The following FGF2 variants were observed in gnomAD, a reference collection of about 807,000 sequenced individuals.
FGF2 encodes the protein fibroblast growth factor 2.
FGF2 carries 13 observed loss-of-function variants against 15.9 expected under a neutral mutation model. The ratio of observed to expected loss-of-function variants is 0.82; its 90% CI spans 0.53 to 1.30. The LOEUF is 1.30. Ranked by LOEUF, FGF2 falls within the 50% of genes most tolerant of loss-of-function variation. The pLI, the probability that FGF2 is intolerant of heterozygous loss-of-function variation, is 0.00. For synonymous variants in FGF2, 90 were observed against 78.4 expected (o/e 1.15, Z -0.78); for missense variants, 163 against 196.9 (o/e 0.83, Z 1.03).
At chr4:122,873,636 A>G (rs1164778727) in intron 1 of FGF2, among the ~76,000 whole-genome samples, 1 of 152,166 alleles carries the variant, frequency 6.6e-6, no homozygotes, top group African/African-American at 2.4e-5. Context: ...TATCGAATTT[A>G]TTTAGGAGAT....
intron 1 of FGF2, among the ~76,000 whole-genome samples, chr4:122,828,521 C>G (rs753917844): frequency 1.3e-4 from 20 of 152,102 alleles, no homozygotes; most frequent in Non-Finnish European, 2.2e-4. Flanking sequence ...GGGGTCCCAG[C>G]GCCACTCCCC....
At chr4:122,858,307 A>G (rs775187817) in intron 1 of FGF2, among the ~76,000 whole-genome samples, 2 of 152,084 alleles carry the variant, frequency 1.3e-5, no homozygotes, top group African/African-American at 4.8e-5. Flanking sequence ...TTTGTAATTT[A>G]TCTGATTATT....
intron 1 of FGF2, among the ~76,000 whole-genome samples, chr4:122,828,963 A>G (rs900566596): frequency 5.3e-5 from 8 of 152,206 alleles, no homozygotes; most frequent in Admixed American, 3.3e-4. Context: ...ATCACAAATT[A>G]TTTATTAAAA....
intron 1 of FGF2, among the ~76,000 whole-genome samples, chr4:122,848,653 C>G (rs1485209224): frequency 2.6e-5 from 4 of 152,198 alleles, no homozygotes; most frequent in Admixed American, 2.6e-4. Context: ...AGGCTGCAGG[C>G]TGATTACATA....
chr4:122,854,842 C>T (rs1034870845), intron 1 of FGF2, among the ~76,000 whole-genome samples: 8 of 152,142 alleles, frequency 5.3e-5, no homozygotes, highest in African/African-American at 1.9e-4. Context: ...TGTCTTAAGC[C>T]TGCTTTGAAA....
chr4:122,870,627 T>C (rs1726711533), intron 1 of FGF2, among the ~76,000 whole-genome samples: 1 of 152,226 alleles, frequency 6.6e-6, no homozygotes, highest in African/African-American at 2.4e-5. Context: ...GTGTTTATTG[T>C]ATTCTCTGAT....
At chr4:122,876,499 C>A in intron 2 of FGF2, 75 bp downstream of exon 2, 2 of 917,324 alleles carry the variant, frequency 2.2e-6, no homozygotes, top group Non-Finnish European at 3.6e-6. Flanking sequence ...TGTTGTTTAT[C>A]AAATCTTTAT....
At chr4:122,865,151 TTA>T (rs1328869097) in intron 1 of FGF2, among the ~76,000 whole-genome samples, 4 of 152,226 alleles carry the variant, frequency 2.6e-5, no homozygotes, top group Non-Finnish European at 5.9e-5. Flanking sequence ...GCTTAGATTT[TTA>T]TGTTTTGTTT....
intron 1 of FGF2, among the ~76,000 whole-genome samples, chr4:122,861,639 T>C (rs1302715143): frequency 6.6e-6 from 1 of 152,108 alleles, no homozygotes; most frequent in Non-Finnish European, 1.5e-5. Context: ...TTGTCCCCAC[T>C]GTTTCATTAA....
intron 1 of FGF2, among the ~76,000 whole-genome samples, chr4:122,874,436 A>C (rs1726798567): frequency 6.6e-6 from 1 of 152,196 alleles, no homozygotes; most frequent in Admixed American, 6.5e-5. Context: ...TGCTTTCTGG[A>C]ATCCAGGGGT....
chr4:122,868,579 A>C (rs936833349), intron 1 of FGF2, among the ~76,000 whole-genome samples: 1 of 152,156 alleles, frequency 6.6e-6, no homozygotes, highest in East Asian at 1.9e-4. Flanking sequence ...TGCAATAAAC[A>C]CACATGTGCA....
At chr4:122,834,396 A>G (rs1217096824) in intron 1 of FGF2, among the ~76,000 whole-genome samples, 1 of 152,198 alleles carries the variant, frequency 6.6e-6, no homozygotes, top group Non-Finnish European at 1.5e-5. Flanking sequence ...ACGTTCTTCT[A>G]CATCATCTCC....
Position 122,892,244 on chromosome 4 carries a change from C to A in FGF2, c.316C>A (p.Arg106=), listed in dbSNP as rs1727207177. 1.2e-6 allele frequency: 2 copies of A among 1,613,248 alleles called. No individual in the cohort carries two copies. The change falls in exon 3 of 3, where the codon CGA becomes AGA. Residue 106 remains arginine (R), a synonymous_variant. Transcript: ENST00000644866. ...TACGGATGAGTGTTTCTTTTTTGAA[C>A]GATTGGAATCTAATAACTACAATAC... ...CVTDECFFFE[R]LESNNYNTYR...
intron 2 of FGF2, among the ~76,000 whole-genome samples, chr4:122,880,660 T>G (rs1212402661): frequency 6.6e-6 from 1 of 152,198 alleles, no homozygotes; most frequent in Admixed American, 6.5e-5. Context: ...TCTGCCCCTG[T>G]GGCTTTGCAG....
chr4:122,844,537 TTTTC>T lies in FGF2; in HGVS notation c.178+17199_178+17202del, dbSNP rs200010352. Among the ~76,000 whole-genome samples, 116 of 151,276 alleles carry T rather than the reference TTTTC, an allele frequency of 7.7e-4. 1 individual carries two copies. In the East Asian group the frequency reaches 0.017, roughly 22 times the overall value. ...AGGTTTTCTTTCTTTCTTTTTCTTTTTTTCTTTCTTTCTTTCTCTTTTTCTTTCT... is the reference window on the plus strand; with the variant it reads ...AGGTTTTCTTTCTTTCTTTTTCTTTTTTTCTTTCTTTCTCTTTTTCTTTCT... On this transcript the variant is annotated intron_variant, in intron 1 of 2. Coordinates refer to ENST00000644866, the MANE Select transcript of FGF2 (RefSeq NM_001361665.2).
intron 1 of FGF2, among the ~76,000 whole-genome samples, chr4:122,845,246 G>T (rs899432734): frequency 6.6e-6 from 1 of 152,196 alleles, no homozygotes; most frequent in African/African-American, 2.4e-5. Flanking sequence ...GTAAACAGAT[G>T]TGCTGTCATC....
intron 1 of FGF2, among the ~76,000 whole-genome samples, chr4:122,828,417 CAT>C (rs1303500541): frequency 1.3e-5 from 2 of 152,188 alleles, no homozygotes; most frequent in Admixed American, 6.5e-5. Flanking sequence ...TGTATGTAAA[CAT>C]GTGTTTTAAA....
chr4:122,878,499 G>A (rs45615339), intron 2 of FGF2, among the ~76,000 whole-genome samples: 3,306 of 152,298 alleles, frequency 0.022, 61 homozygotes, highest in Non-Finnish European at 0.036. Context: ...GGAAGGGAAG[G>A]GAGAGAAGGC....
intron 1 of FGF2, among the ~76,000 whole-genome samples, chr4:122,865,186 T>A (rs1726546701): frequency 6.6e-6 from 1 of 152,254 alleles, no homozygotes. Flanking sequence ...TATTTAAAGC[T>A]GTAACTTTCC....
Sources: allele counts gnomAD v4.1 joint callset (sites outside exome capture counted in the v4.1 genomes callset), GRCh38; gene constraint gnomAD v4.1.1; transcripts MANE v1.5; gene names NCBI Gene and HGNC (gene_info 2026-07-23, HGNC 2026-07-21).